DCAF6: variants seen among roughly 807,000 people sequenced by gnomAD.
DCAF6 encodes the protein DDB1 and CUL4 associated factor 6.
Under a neutral mutation model 125.1 loss-of-function variants are expected in DCAF6, and 54 were observed. That is an observed-to-expected ratio of 0.43 (90% CI 0.35 to 0.54). The LOEUF (loss-of-function observed/expected upper bound fraction) is 0.54, where lower values mean the gene tolerates loss of function less well. DCAF6 is among the 20% of genes least tolerant of loss of function. The pLI is 0.01. For synonymous variants in DCAF6, 371 were observed against 390.4 expected, an observed-to-expected ratio of 0.95 and a Z score of 0.58; for missense variants, 934 against 1,161.7, an observed-to-expected ratio of 0.80 and a Z score of 2.85.
intron 2 of DCAF6, among the ~76,000 whole-genome samples, chr1:167,959,238 A>G (rs1256137029): frequency 6.6e-6 from 1 of 152,188 alleles, no homozygotes; most frequent in Non-Finnish European, 1.5e-5. Context: ...GCTGAATAAT[A>G]CTTCATTCTG....
At chr1:167,882,258 G>A in the DCAF6 span, among the ~76,000 whole-genome samples, 1 of 152,154 alleles carries the variant, frequency 6.6e-6, no homozygotes, top group Non-Finnish European at 1.5e-5. Flanking sequence ...GCCGAGGCAG[G>A]TGGATCACTT....
chr1:167,965,161 T>A (rs183477872), intron 2 of DCAF6, among the ~76,000 whole-genome samples: 4 of 152,362 alleles, frequency 2.6e-5, no homozygotes, highest in African/African-American at 9.6e-5. Context: ...CTTAGGAATT[T>A]ACTGGTAAAG....
the DCAF6 span, among the ~76,000 whole-genome samples, chr1:167,920,912 G>A: frequency 1.3e-5 from 2 of 151,996 alleles, no homozygotes; most frequent in Non-Finnish European, 1.5e-5. Flanking sequence ...TGCATTACAC[G>A]TACATATATA....
chr1:168,030,568 G>C (rs932926627), intron 12 of DCAF6, among the ~76,000 whole-genome samples: 2 of 152,162 alleles, frequency 1.3e-5, no homozygotes, highest in Non-Finnish European at 2.9e-5. Flanking sequence ...TTTTGATCTG[G>C]TGATAAAAGT....
chr1:167,924,313 A>C, the DCAF6 span: 1 of 456,276 alleles, frequency 2.2e-6, no homozygotes, highest in Admixed American at 4.4e-5. Flanking sequence ...AAGAGTTCAG[A>C]AAAACTAAAG....
At chr1:168,064,079 A>ATTTTTTTTT (rs11295034) in intron 18 of DCAF6, 1 of 92,412 alleles carries the variant, frequency 1.1e-5, no homozygotes, top group Non-Finnish European at 2.1e-5. Context: ...TTTCTGGTGG[A>ATTTTTTTTT]TTTTTTTTTT....
chr1:168,027,203 G>A lies in DCAF6; in HGVS notation c.1609+4156G>A, dbSNP rs1686445731. Among the ~76,000 whole-genome samples the A allele has an allele frequency of 3.9e-5, 6 of 152,116 alleles. No individual in the cohort carries two copies. In the South Asian group the frequency reaches 1.2e-3, roughly 32 times the overall value. ...AGTAGTGGTTTGAGGAGAAAGGTTT[G>A]GGGGAAAAAGGTAGAGACTTTGTTA... is the stretch of plus-strand genomic sequence containing the variant. On this transcript the variant is annotated intron_variant, in intron 12 of 21. Transcript: ENST00000367840.
At chr1:168,039,787 T>C (rs1688286991) in intron 13 of DCAF6, among the ~76,000 whole-genome samples, 1 of 150,218 alleles carries the variant, frequency 6.7e-6, no homozygotes, top group African/African-American at 2.4e-5. Context: ...TGTAATGAAT[T>C]ATATGTTGAT....
chr1:167,936,272 G>T (rs1015097790), upstream of DCAF6: 5 of 208,318 alleles, frequency 2.4e-5, no homozygotes, highest in Non-Finnish European at 4.9e-5. Flanking sequence ...TGTTGGAGAA[G>T]GGAAAGTGAA....
Position 168,012,260 on chromosome 1 carries a change from A to G in DCAF6, c.1379-3521A>G, listed in dbSNP as rs1684404996. On this transcript the variant is annotated intron_variant, in intron 10 of 21. Transcript: ENST00000367840. ...AGAGGCAGGATGTGAGGTTAGAACC[A>G]GGTGGACCTTTGTTGCGTCAACTGT... 2.0e-5 allele frequency among the ~76,000 whole-genome samples: 3 copies of G among 152,238 alleles called. No individual in the cohort carries two copies. The South Asian group carries it at 6.2e-4, about 32-fold the overall frequency.
rs1689609273 is a variant in DCAF6, at chr1:168,049,571, G to GTTAA, written c.2259-1320_2259-1317dup. Among the ~76,000 whole-genome samples the GTTAA allele has an allele frequency of 4.0e-5, 6 of 148,282 alleles. No homozygotes were observed. In the South Asian group the frequency reaches 1.3e-3, roughly 32 times the overall value. On this transcript the variant is annotated intron_variant, in intron 16 of 21. Transcript: ENST00000367840. ...GCCACCGCGCCTGGCCATATACTGG[G>GTTAA]TTAAGAAACGTAAATATATGCCCTT...
the DCAF6 span, among the ~76,000 whole-genome samples, chr1:167,879,534 C>T: frequency 3.9e-5 from 6 of 152,160 alleles, no homozygotes; most frequent in African/African-American, 4.8e-5. Flanking sequence ...AATCCTGCCC[C>T]ATCCTCACCC....
chr1:167,875,429 G>GT, the DCAF6 span, among the ~76,000 whole-genome samples: 9 of 50,672 alleles, frequency 1.8e-4, no homozygotes, highest in African/African-American at 2.3e-3. Context: ...TTCAATAAAT[G>GT]CTGTTGAGTC....
intron 10 of DCAF6, among the ~76,000 whole-genome samples, chr1:168,015,144 T>C (rs866890104): frequency 2.0e-5 from 3 of 152,320 alleles, no homozygotes; most frequent in Middle Eastern, 3.4e-3. Flanking sequence ...AAATATCTCT[T>C]TGCAGAATTT....
chr1:167,937,314 C>T (rs538070390), intron 1 of DCAF6: 2 of 394,132 alleles, frequency 5.1e-6, no homozygotes, highest in Non-Finnish European at 9.7e-6. Flanking sequence ...CTTGCGGAAC[C>T]TCCAGGAGCT....
At chr1:167,915,039 C>A in the DCAF6 span, among the ~76,000 whole-genome samples, 1 of 152,168 alleles carries the variant, frequency 6.6e-6, no homozygotes, top group Non-Finnish European at 1.5e-5. Context: ...TAATAAATGC[C>A]AGTGTTTTCT....
Position 168,053,708 on chromosome 1 carries a change from G to A in DCAF6, c.2300+2775G>A, listed in dbSNP as rs139668542. The stretch of plus-strand genomic sequence containing the variant: ...AATCCAGGGTGTTTACTGGGGTCTG[G>A]TCATGTAGGCACCTCTGCCTGTGTG... On this transcript the variant is annotated intron_variant, in intron 17 of 21. Coordinates refer to ENST00000367840, the MANE Select transcript of DCAF6 (RefSeq NM_001198956.2). Among the ~76,000 whole-genome samples the A allele has an allele frequency of 2.1e-3, 318 of 152,274 alleles. 2 individuals are homozygous for A. The highest frequency in any genetic ancestry group is 7.2e-3 in the African/African-American group (297 of 41,534).
At chr1:167,961,194 C>T (rs983712055) in intron 2 of DCAF6, among the ~76,000 whole-genome samples, 6 of 152,144 alleles carry the variant, frequency 3.9e-5, no homozygotes, top group African/African-American at 1.2e-4. Flanking sequence ...ACCTTGTATC[C>T]TATTACTTTG....
At chr1:168,060,836 CT>C (rs1691499143) in intron 17 of DCAF6, among the ~76,000 whole-genome samples, 1 of 152,168 alleles carries the variant, frequency 6.6e-6, no homozygotes, top group South Asian at 2.1e-4. Context: ...TTGCAGTGAG[CT>C]GAGACCCCGC....
Sources: allele counts gnomAD v4.1 joint callset (sites outside exome capture counted in the v4.1 genomes callset), GRCh38; gene constraint gnomAD v4.1.1; transcripts MANE v1.5; gene names NCBI Gene and HGNC (gene_info 2026-07-23, HGNC 2026-07-21).